Variants in ZNF565 observed in about 807,000 individuals in gnomAD.
ZNF565 encodes zinc finger protein 565.
Under a neutral mutation model 39.4 loss-of-function variants are expected in ZNF565, and 27 were observed. The observed-to-expected ratio is 0.69, with a 90% CI of 0.51 to 0.95. The LOEUF is 0.95. Among genes scored for constraint, ZNF565 ranks in the 40% least tolerant of loss-of-function variants. The pLI, the probability that ZNF565 is intolerant of heterozygous loss-of-function variation, is 0.00. For synonymous variants in ZNF565, 185 were observed against 216.6 expected (o/e 0.85, Z 1.28); for missense variants, 524 against 621.1 (o/e 0.84, Z 1.66).
At chr19:36,187,653 G>A (rs1175902381) in intron 4 of ZNF565, among the ~76,000 whole-genome samples, 1 of 136,896 alleles carries the variant, frequency 7.3e-6, no homozygotes, top group Non-Finnish European at 1.6e-5. Flanking sequence ...ATGGTGCCCG[G>A]CCGAGACAGA....
At chr19:36,217,588 C>T (rs1379742615), upstream of ZNF565, among the ~76,000 whole-genome samples, 1 of 152,008 alleles carries the variant, frequency 6.6e-6, no homozygotes, top group Admixed American at 6.6e-5. Flanking sequence ...ATACACGATG[C>T]ATTTGGAATA....
chr19:36,182,771 C>A lies in ZNF565; in HGVS notation c.1195G>T (p.Ala399Ser). 6.2e-7 allele frequency: 1 copy of A among 1,614,108 alleles called. No individual in the cohort carries two copies. The highest frequency in any genetic ancestry group is 8.5e-7 in the Non-Finnish European group (1 of 1,180,030). The change falls in exon 5 of 5, where the codon GCA (alanine) becomes TCA (serine). Residue 399 changes from alanine (A) to serine (S), a missense_variant. Coordinates refer to ENST00000304116, the MANE Select transcript of ZNF565 (RefSeq NM_152477.5). ...ATGAGGTATGAGCTACGACTAAATG[C>A]CTTCCCGCAGTCCTTACATTCATAG... ...RPYECKDCGK[A>S]FSRSSYLIQH...
chr19:36,187,384 CGGAGTCTCGCTCTGTCGCCCAGGCT>C, intron 4 of ZNF565, among the ~76,000 whole-genome samples: 1 of 147,402 alleles, frequency 6.8e-6, no homozygotes, highest in East Asian at 2.1e-4. Flanking sequence ...TTTTCTGAGA[CGGAGTCTCGCTCTGTCGCCCAGGCT>C]GGAGTGCAGT....
In ZNF565 at chr19:36,183,052, C is replaced by G; in HGVS notation, c.914G>C (p.Arg305Thr). The change falls in exon 5 of 5, where the codon AGA becomes ACA. Residue 305 changes from arginine (R) to threonine (T), a missense_variant. Transcript: ENST00000304116. The part of the protein sequence containing the change: ...TVHRRIHTGA[R>T]PYECKECGKA... ...CCCGCATTCTTTACACTCATAGGGT[C>G]TGGCCCCTGTGTGGATTCTCCGATG... 1 of 1,614,126 alleles carries G rather than the reference C, an allele frequency of 6.2e-7. No individual in the cohort carries two copies. The highest frequency in any genetic ancestry group is 2.2e-5 in the East Asian group (1 of 44,874).
chr19:36,242,248 C>T (rs1977813185), intron 1 of ZNF565, among the ~76,000 whole-genome samples: 1 of 151,370 alleles, frequency 6.6e-6, no homozygotes, highest in African/African-American at 2.4e-5. Context: ...CTTGTCTCTA[C>T]TAAACATAAA....
At chr19:36,230,258 A>G (rs936091639) in intron 1 of ZNF565, among the ~76,000 whole-genome samples, 3 of 152,242 alleles carry the variant, frequency 2.0e-5, no homozygotes, top group African/African-American at 7.2e-5. Flanking sequence ...CCAAGCTGAT[A>G]TATTCACATC....
At chr19:36,212,492 T>C (rs1212592656) in intron 1 of ZNF565, among the ~76,000 whole-genome samples, 2 of 151,512 alleles carry the variant, frequency 1.3e-5, no homozygotes, top group Non-Finnish European at 2.9e-5. Flanking sequence ...CACGATGGCA[T>C]TTGTCTGTAA....
At chr19:36,221,806 A>G (rs192522648) in intron 1 of ZNF565, among the ~76,000 whole-genome samples, 155 of 148,732 alleles carry the variant, frequency 1.0e-3, no homozygotes, top group Non-Finnish European at 1.9e-3. Flanking sequence ...ACTATTATAT[A>G]TTTCTCTTCA....
At chr19:36,184,980 T>C (rs1486224700) in intron 4 of ZNF565, among the ~76,000 whole-genome samples, 1 of 151,094 alleles carries the variant, frequency 6.6e-6, no homozygotes, top group Non-Finnish European at 1.5e-5. Context: ...TTAGCAGGCA[T>C]GGTGGCAGGC....
chr19:36,208,990 G>A (rs560077558), intron 1 of ZNF565, among the ~76,000 whole-genome samples: 8 of 152,048 alleles, frequency 5.3e-5, no homozygotes, highest in South Asian at 4.2e-4. Context: ...GCATCACCAC[G>A]TCTGGCTAGT....
At chr19:36,197,812 T>G (rs1031640971) in intron 2 of ZNF565, among the ~76,000 whole-genome samples, 2 of 152,150 alleles carry the variant, frequency 1.3e-5, no homozygotes, top group African/African-American at 4.8e-5. Context: ...GGAGCTACCT[T>G]GTGGACCAGC....
intron 4 of ZNF565, among the ~76,000 whole-genome samples, chr19:36,185,110 T>C (rs1265156810): frequency 6.9e-6 from 1 of 145,414 alleles, no homozygotes; most frequent in African/African-American, 2.6e-5. Context: ...AGAGTGAGAG[T>C]CCATCTCAGA....
At chr19:36,239,393 C>CACT in intron 1 of ZNF565, among the ~76,000 whole-genome samples, 1 of 150,350 alleles carries the variant, frequency 6.7e-6, no homozygotes, top group Middle Eastern at 3.4e-3. Context: ...GATCTTGGCT[C>CACT]ACTGCAATCT....
intron 4 of ZNF565, among the ~76,000 whole-genome samples, chr19:36,185,164 C>T (rs1381675476): frequency 6.6e-6 from 1 of 150,480 alleles, no homozygotes; most frequent in Non-Finnish European, 1.5e-5. Flanking sequence ...TCTGTAATCA[C>T]AGCACTTTGG....
In ZNF565 at chr19:36,236,756, G is replaced by A. The variant is rs145747574; in HGVS notation, c.55+8720C>T. On this transcript the variant is annotated intron_variant, in intron 1 of 4. Coordinates refer to the ZNF565 transcript ENST00000355114. ...AAAACCTTTTGAGTGTAAAGATTGC[G>A]GGAAAGCTTTCATTCAGAAGTCAAA... 4.3e-6 allele frequency: 7 copies of A among 1,614,012 alleles called. No homozygotes were observed. Among genetic ancestry groups the A allele is most frequent in the African/African-American group, 1.3e-5 (1 of 74,914 alleles).
At position 36,210,141 on chromosome 19, in the gene ZNF565, C is replaced by T. The variant is rs182258904; in HGVS notation, c.-66+4481G>A. 5.3e-5 allele frequency among the ~76,000 whole-genome samples: 8 copies of T among 151,606 alleles called. No individual in the cohort carries two copies. In the East Asian group the frequency reaches 1.6e-3, roughly 29 times the overall value. On this transcript the variant is annotated intron_variant, in intron 1 of 4. Coordinates refer to ENST00000304116, the MANE Select transcript of ZNF565 (RefSeq NM_152477.5). ...ATATTTAAAAAAAAGGAAATGGAGG[C>T]CAGGTGTGGTGGCTTATGCCCGTAA... is the stretch of plus-strand genomic sequence containing the variant.
chr19:36,198,541 A>C (rs1975846098), intron 2 of ZNF565, among the ~76,000 whole-genome samples: 1 of 152,164 alleles, frequency 6.6e-6, no homozygotes, highest in South Asian at 2.1e-4. Context: ...AAAAATAGAA[A>C]GAATAAGACC....
chr19:36,201,897 T>C (rs1311728930), intron 2 of ZNF565, 80 bp downstream of exon 2: 23 of 1,533,136 alleles, frequency 1.5e-5, no homozygotes. Context: ...TACAGGGAAG[T>C]TCCAGGATAA....
Position 36,183,688 on chromosome 19 carries a change from T to C in ZNF565, c.278A>G (p.Glu93Gly). 2.5e-6 allele frequency: 4 copies of C among 1,611,790 alleles called. No homozygotes were observed. The highest frequency in any genetic ancestry group is 2.5e-6 in the Non-Finnish European group (3 of 1,178,996). The change falls in exon 5 of 5, where the codon GAA (glutamate) becomes GGA (glycine). Residue 93 changes from glutamate (E) to glycine (G), a missense_variant. Glu to Gly is a moderately conservative substitution (Grantham distance 98). Transcript: ENST00000304116. The part of the protein sequence containing the change: ...CEKFLQKDIF[E>G]IGAFNWEIME... ...TATCTCCCAGTTGAATGCCCCGATT[T>C]CAAAAATGTCTTTTTGTAGAAATTT...
Sources: gnomAD v4.1 joint callset for allele counts (sites outside exome capture counted in the v4.1 genomes callset) on GRCh38, gnomAD v4.1.1 for gene constraint, MANE v1.5 for transcripts, NCBI Gene and HGNC (gene_info 2026-07-23, HGNC 2026-07-21) for gene names.